The following CYP19A1 variants were observed in gnomAD, a reference collection of about 807,000 sequenced individuals.
The protein encoded by CYP19A1 is cytochrome P450 family 19 subfamily A member 1.
Under a neutral mutation model 44.4 loss-of-function variants are expected in CYP19A1, and 32 were observed. The observed-to-expected ratio is 0.72, with a 90% CI of 0.54 to 0.97. The LOEUF (loss-of-function observed/expected upper bound fraction) is 0.97. CYP19A1 is among the 50% of genes least tolerant of loss of function. The pLI, the probability that CYP19A1 is intolerant of heterozygous loss-of-function variation, is 0.00. For missense variants in CYP19A1, 598 were observed against 637.8 expected, an observed-to-expected ratio of 0.94 and a Z score of 0.67; for synonymous variants, 212 against 215.6, an observed-to-expected ratio of 0.98 and a Z score of 0.14.
At chr15:51,246,971 C>A (rs2034085749) in intron 1 of CYP19A1, among the ~76,000 whole-genome samples, 3 of 152,136 alleles carry the variant, frequency 2.0e-5, no homozygotes, top group African/African-American at 7.2e-5. Context: ...CTGATCGCAC[C>A]AAAACCTGTC....
intron 1 of CYP19A1, among the ~76,000 whole-genome samples, chr15:51,281,735 GCC>G (rs2035525826): frequency 6.6e-6 from 1 of 152,076 alleles, no homozygotes; most frequent in African/African-American, 2.4e-5. Context: ...AAAGAATGAT[GCC>G]CTGGGCAAGT....
rs545247348 is a variant in CYP19A1 at position 51,304,890 on chromosome 15, C to CTTTTTTT, written c.-39+33598_-39+33604dup. Among the ~76,000 whole-genome samples the CTTTTTTT allele has an allele frequency of 2.6e-4, 27 of 104,578 alleles. 4 individuals carry two copies. The highest frequency in any genetic ancestry group is 1.1e-3 in the African/African-American group (22 of 20,872). 68.6% of individuals were successfully genotyped at this position (104,578 alleles called of 152,430 possible). On this transcript the variant is annotated intron_variant, in intron 1 of 9. Transcript: ENST00000396402. ...ATCCCTCAGGTAATTGTGTCTCTTC[C>CTTTTTTT]TTTTTTTTTTTTTTTTTTTTTTTTT...
chr15:51,284,675 A>G (rs2035638909), intron 1 of CYP19A1, among the ~76,000 whole-genome samples: 1 of 152,242 alleles, frequency 6.6e-6, no homozygotes, highest in Admixed American at 6.5e-5. Flanking sequence ...AAATTTTTAA[A>G]TTTACAAAAA....
At chr15:51,289,042 C>T (rs1393127232) in intron 1 of CYP19A1, among the ~76,000 whole-genome samples, 1 of 152,120 alleles carries the variant, frequency 6.6e-6, no homozygotes, top group Non-Finnish European at 1.5e-5. Context: ...TTCTCAAATG[C>T]GGTCATTGCT....
At chr15:51,325,694 T>G (rs1029301538) in intron 1 of CYP19A1, among the ~76,000 whole-genome samples, 1 of 151,906 alleles carries the variant, frequency 6.6e-6, no homozygotes, top group East Asian at 1.9e-4. Flanking sequence ...AAAAATTAGC[T>G]GGGCGTGGTG....
chr15:51,289,409 C>T (rs150148406), intron 1 of CYP19A1, among the ~76,000 whole-genome samples: 5 of 152,294 alleles, frequency 3.3e-5, no homozygotes, highest in African/African-American at 1.2e-4. Context: ...AGAGCCCCTG[C>T]CCCTGACTCC....
At chr15:51,297,070 T>TTG (rs1157333026) in intron 1 of CYP19A1, among the ~76,000 whole-genome samples, 1 of 152,194 alleles carries the variant, frequency 6.6e-6, no homozygotes, top group Non-Finnish European at 1.5e-5. Flanking sequence ...GTGACGACTT[T>TTG]TGTGTCCATC....
intron 1 of CYP19A1, among the ~76,000 whole-genome samples, chr15:51,247,888 C>T (rs2034136101): frequency 6.6e-6 from 1 of 152,114 alleles, no homozygotes; most frequent in Non-Finnish European, 1.5e-5. Context: ...GTCCCTGTAT[C>T]TCAAGATACG....
intron 1 of CYP19A1, among the ~76,000 whole-genome samples, chr15:51,300,167 A>G (rs2036082355): frequency 6.6e-6 from 1 of 152,148 alleles, no homozygotes; most frequent in African/African-American, 2.4e-5. Flanking sequence ...TCTTATTTAG[A>G]TGATTTTCTT....
intron 2 of CYP19A1, 61 bp from the exon 3 acceptor site, chr15:51,237,070 G>A: frequency 1.3e-6 from 2 of 1,580,018 alleles, no homozygotes; most frequent in Non-Finnish European, 1.7e-6. Flanking sequence ...CAACTGTTTT[G>A]TGTTACTCCT....
intron 1 of CYP19A1, among the ~76,000 whole-genome samples, chr15:51,282,663 T>A (rs1192496587): frequency 6.6e-6 from 1 of 152,180 alleles, no homozygotes; most frequent in Non-Finnish European, 1.5e-5. Flanking sequence ...CCCCAAGGCC[T>A]GGTGTTGGAT....
chr15:51,326,797 T>A (rs74016703), intron 1 of CYP19A1, among the ~76,000 whole-genome samples: 1,661 of 152,322 alleles, frequency 0.011, 17 homozygotes, highest in African/African-American at 0.025. Context: ...GCCAGGGCAA[T>A]GAGAGACCTG....
intron 1 of CYP19A1, among the ~76,000 whole-genome samples, chr15:51,326,736 T>C (rs1177434916): frequency 6.6e-6 from 1 of 152,112 alleles, no homozygotes; most frequent in Non-Finnish European, 1.5e-5. Flanking sequence ...GAGACCCAGG[T>C]TTAGGATAAT....
At chr15:51,274,616 G>A (rs2140959165) in intron 1 of CYP19A1, among the ~76,000 whole-genome samples, 2 of 152,254 alleles carry the variant, frequency 1.3e-5, no homozygotes, top group Middle Eastern at 3.4e-3. Flanking sequence ...CAAAAGACTT[G>A]AGTTTAAATC....
At position 51,250,977 on chromosome 15, in the gene CYP19A1, T is replaced by A. The variant is rs900016267; in HGVS notation, c.-38-8027A>T. ...CACAGGAGCAGGCTTTAGGGTCAGA[T>A]GAGCTGAGTACAAGACCCAGAGACC... On this transcript the variant is annotated intron_variant, in intron 1 of 9. Transcript: ENST00000396402. Among the ~76,000 whole-genome samples, 5 of 152,270 alleles carry A rather than the reference T, an allele frequency of 3.3e-5. No individual in the cohort carries two copies. In the South Asian group the frequency reaches 1.0e-3, roughly 32 times the overall value.
intron 1 of CYP19A1, among the ~76,000 whole-genome samples, chr15:51,325,224 A>C (rs1431808340): frequency 6.6e-6 from 1 of 152,072 alleles, no homozygotes; most frequent in Non-Finnish European, 1.5e-5. Context: ...GTCCAAGCCA[A>C]GTTGCTACAG....
At chr15:51,295,598 A>C (rs935744865) in intron 1 of CYP19A1, among the ~76,000 whole-genome samples, 7 of 152,226 alleles carry the variant, frequency 4.6e-5, no homozygotes, top group African/African-American at 1.7e-4. Flanking sequence ...ATAGAAAGCT[A>C]GAGTTAGGTA....
chr15:51,295,336 C>G (rs1193243132), intron 1 of CYP19A1, among the ~76,000 whole-genome samples: 2 of 152,094 alleles, frequency 1.3e-5, no homozygotes, highest in East Asian at 3.8e-4. Context: ...CGCACTCCAG[C>G]CCCTCTTCTC....
At chr15:51,228,985 A>G (rs920065053) in intron 3 of CYP19A1, among the ~76,000 whole-genome samples, 3 of 152,122 alleles carry the variant, frequency 2.0e-5, no homozygotes, top group Non-Finnish European at 4.4e-5. Context: ...CTCCTAGTTG[A>G]CACTTGGCTC....
Sources: allele counts gnomAD v4.1 joint callset (sites outside exome capture counted in the v4.1 genomes callset), GRCh38; gene constraint gnomAD v4.1.1; transcripts MANE v1.5; gene names NCBI Gene and HGNC (gene_info 2026-07-23, HGNC 2026-07-21).